C11orf65: variants seen among roughly 807,000 people sequenced by gnomAD.
The protein encoded by C11orf65 is chromosome 11 open reading frame 65.
Under a neutral mutation model 35.3 loss-of-function variants are expected in C11orf65, and 38 were observed. The observed-to-expected ratio is 1.08, with a 90% confidence interval of 0.83 to 1.41. The LOEUF (loss-of-function observed/expected upper bound fraction) is 1.41, where lower values mean the gene tolerates loss of function less well. Among genes scored for constraint, C11orf65 ranks in the 40% most tolerant of loss-of-function variants. The probability of loss-of-function intolerance (pLI) is 0.00; values close to 1 mark genes in which losing one functional copy is unlikely to be tolerated. For synonymous variants in C11orf65, 105 were observed against 114.4 expected, an observed-to-expected ratio of 0.92 and a Z score of 0.53; for missense variants, 370 against 367.1, an observed-to-expected ratio of 1.01 and a Z score of -0.06.
At chr11:108,339,078 G>A (rs911590671) in intron 2 of C11orf65, among the ~76,000 whole-genome samples, 3 of 152,164 alleles carry the variant, frequency 2.0e-5, no homozygotes, top group Non-Finnish European at 2.9e-5. Context: ...GATATCTCTT[G>A]TCAGAGAGAA....
downstream of C11orf65, among the ~76,000 whole-genome samples, chr11:108,327,151 G>A (rs1353013682): frequency 9.5e-4 from 145 of 152,054 alleles, no homozygotes; most frequent in Non-Finnish European, 5.9e-5. Context: ...TTGATGTTGG[G>A]CACTCATTGT....
intron 2 of C11orf65, among the ~76,000 whole-genome samples, chr11:108,443,132 A>C (rs2093186504): frequency 6.6e-6 from 1 of 152,194 alleles, no homozygotes; most frequent in Non-Finnish European, 1.5e-5. Context: ...AGATCTAACA[A>C]GCAAATGGAA....
chr11:108,336,880 T>TA (rs1458369380), intron 2 of C11orf65, among the ~76,000 whole-genome samples: 6 of 148,408 alleles, frequency 4.0e-5, no homozygotes, highest in Non-Finnish European at 7.4e-5. Context: ...GAAATAACAA[T>TA]AAATCCTTAT....
rs1235970622 is a variant in C11orf65, at chr11:108,393,235, T to C, written c.704A>G (p.Asn235Ser). ...VMEWEVDEVL[N>S]WTNTLNFDEY... ...ATCAAAGTTCAGTGTATTTGTCCAG[T>C]TCAGCACTTCATCCACTTCCCATTC... The change falls in exon 7 of 9, where the codon AAC becomes AGC. Residue 235 changes from asparagine (N) to serine (S), a missense_variant. Transcript: ENST00000393084. 1 of 1,614,048 alleles carries C rather than the reference T, an allele frequency of 6.2e-7. No homozygotes were observed. The highest frequency in any genetic ancestry group is 8.5e-7 in the Non-Finnish European group (1 of 1,179,972).
At position 108,391,465 on chromosome 11, in the gene C11orf65, C is replaced by T. The variant is rs374615162; in HGVS notation, c.731+1743G>A. 1.3e-4 allele frequency among the ~76,000 whole-genome samples: 20 copies of T among 152,298 alleles called. No homozygotes were observed. In the East Asian group the frequency reaches 2.7e-3, roughly 21 times the overall value. ...CACGATCTCAGCTCACTGCAACCTC[C>T]ACTTCCCAGATTCAAGTGATTCTCC... On this transcript the variant is annotated intron_variant, in intron 7 of 8. Coordinates refer to ENST00000393084, the MANE Select transcript of C11orf65 (RefSeq NM_152587.5).
At chr11:108,365,735 T>TTC (rs1421992999) in intron 2 of C11orf65, 1 of 606,610 alleles carries the variant, frequency 1.6e-6, no homozygotes, top group Non-Finnish European at 2.8e-6. Flanking sequence ...TCATTCGGGC[T>TTC]GGGCGCAGCG....
chr11:108,323,682 A>T (rs1450328799), intron 6 of C11orf65, among the ~76,000 whole-genome samples: 1 of 152,200 alleles, frequency 6.6e-6, no homozygotes, highest in Non-Finnish European at 1.5e-5. Context: ...TACAACTATT[A>T]TGTATCCATA....
At chr11:108,385,226 C>T (rs2091963036) in intron 8 of C11orf65, among the ~76,000 whole-genome samples, 1 of 152,122 alleles carries the variant, frequency 6.6e-6, no homozygotes, top group Non-Finnish European at 1.5e-5. Context: ...CATCTGCCAC[C>T]ATGCACAGCT....
At position 108,444,966 on chromosome 11, in the gene C11orf65, A is replaced by C. The variant is rs894848199; in HGVS notation, c.82-13128T>G. ...CACACCAGGAGATTATATCCCACAC[A>C]TGGCTCGGAGGGTCCTACGCCCACG... On this transcript the variant is annotated intron_variant, in intron 2 of 8. Transcript: ENST00000393084. 2.6e-5 allele frequency among the ~76,000 whole-genome samples: 4 copies of C among 152,172 alleles called. 1 individual carries two copies. The highest frequency in any genetic ancestry group is 7.2e-5 in the African/African-American group (3 of 41,442).
intron 3 of C11orf65, among the ~76,000 whole-genome samples, chr11:108,421,025 C>T (rs940546183): frequency 6.6e-6 from 1 of 152,194 alleles, no homozygotes; most frequent in Non-Finnish European, 1.5e-5. Flanking sequence ...ACTACTTCCA[C>T]AATATTTTCA....
downstream of C11orf65, among the ~76,000 whole-genome samples, chr11:108,378,047 C>G (rs192022): frequency 0.49 from 72,936 of 147,800 alleles, 19,214 homozygotes; most frequent in Middle Eastern, 0.71. Flanking sequence ...GTGAAAATGG[C>G]CATACTGCCC....
chr11:108,438,404 T>C (rs1045538864), intron 2 of C11orf65, among the ~76,000 whole-genome samples: 1 of 151,256 alleles, frequency 6.6e-6, no homozygotes, highest in Non-Finnish European at 1.5e-5. Flanking sequence ...ATACAAAAAT[T>C]AGCTGGGCAT....
intron 2 of C11orf65, among the ~76,000 whole-genome samples, chr11:108,358,590 A>G (rs227046): frequency 0.5 from 49,175 of 98,346 alleles, 12,421 homozygotes; most frequent in Middle Eastern, 0.68. Context: ...GACTAACAGC[A>G]GATCTCTCGG....
intron 1 of C11orf65, among the ~76,000 whole-genome samples, chr11:108,466,499 AG>A (rs1391037757): frequency 4.6e-5 from 7 of 152,168 alleles, no homozygotes; most frequent in African/African-American, 1.7e-4. Flanking sequence ...ACTTGAACCC[AG>A]GAGGCAGAGG....
chr11:108,394,511 A>C (rs1565641120), intron 6 of C11orf65, among the ~76,000 whole-genome samples: 1 of 152,240 alleles, frequency 6.6e-6, no homozygotes. Flanking sequence ...CTTCTGCAGC[A>C]CTGCCTGTCT....
intron 2 of C11orf65, among the ~76,000 whole-genome samples, chr11:108,447,968 C>T (rs1365796185): frequency 6.6e-6 from 1 of 152,192 alleles, no homozygotes; most frequent in Non-Finnish European, 1.5e-5. Flanking sequence ...ACCAATCCCA[C>T]AGAAATACAA....
At chr11:108,355,902 C>T (rs575724910) in intron 2 of C11orf65, 2 of 152,210 alleles carry the variant, frequency 1.3e-5, no homozygotes, top group East Asian at 1.9e-4. Flanking sequence ...CTTTATGAAC[C>T]GAGGCATCTT....
downstream of C11orf65, chr11:108,330,292 C>CT (rs1302047966): frequency 6.2e-7 from 1 of 1,614,148 alleles, no homozygotes; most frequent in Admixed American, 1.7e-5. Flanking sequence ...GTAAACGCTT[C>CT]TTATGTAAAG....
rs181213654 is a variant in C11orf65 at position 108,358,045 on chromosome 11, G to A, written c.227-22753C>T. Among the ~76,000 whole-genome samples the A allele has an allele frequency of 1.4e-4, 20 of 144,294 alleles. 1 individual carries two copies. Among genetic ancestry groups the A allele is most frequent in the East Asian group, 1.4e-3 (7 of 5,100 alleles). The allele number at this position is 144,294 out of a possible 152,430, so 94.7% of individuals were successfully genotyped here. On this transcript the variant is annotated intron_variant, in intron 2 of 3. Coordinates refer to the C11orf65 transcript ENST00000524755. Reference sequence around the variant, plus strand: ...CAAAGGCAAATAAGTTGACAACTTTGAAAAAAATTTAGAAGAATGTATAAC... The same window carrying A: ...CAAAGGCAAATAAGTTGACAACTTTAAAAAAAATTTAGAAGAATGTATAAC...
Sources: allele counts gnomAD v4.1 joint callset (sites outside exome capture counted in the v4.1 genomes callset), GRCh38; gene constraint gnomAD v4.1.1; transcripts MANE v1.5; gene names NCBI Gene and HGNC (gene_info 2026-07-23, HGNC 2026-07-21).